The following ZNF347 variants were observed in gnomAD, a reference collection of about 807,000 sequenced individuals.
ZNF347 encodes zinc finger protein 347.
In ZNF347, 19 loss-of-function variants were observed where a neutral mutation model predicts 12.9. That is an observed-to-expected ratio of 1.47 (90% confidence interval 1.03 to 2.16). ZNF347 has a LOEUF of 2.16. ZNF347 is among the 30% of genes most tolerant of loss of function. The pLI, the probability that ZNF347 is intolerant of heterozygous loss-of-function variation, is 0.00. For missense variants in ZNF347, 1,005 were observed against 990.6 expected (o/e 1.01, Z -0.19); for synonymous variants, 328 against 340.6 (o/e 0.96, Z 0.41).
rs912394684 is a variant in ZNF347 at position 53,154,209 on chromosome 19, G to A, written c.-46-416C>T. Among the ~76,000 whole-genome samples the A allele has an allele frequency of 3.3e-5, 5 of 152,068 alleles. 1 individual carries two copies. The highest frequency in any genetic ancestry group is 4.1e-4 in the South Asian group (2 of 4,828). On this transcript the variant is annotated intron_variant, in intron 1 of 4. Transcript: ENST00000334197. ...CAGAAACAAAAGGTAGAGGCTGAAC[G>A]TGGTGGCTCACACTATAATCCTAGC...
chr19:53,146,009 C>T (rs756258636), intron 4 of ZNF347, among the ~76,000 whole-genome samples: 1 of 150,886 alleles, frequency 6.6e-6, no homozygotes, highest in Non-Finnish European at 1.5e-5. Flanking sequence ...GAGTTTTGCT[C>T]TTGTTGCCTG....
chr19:53,141,829 T>G lies in ZNF347; in HGVS notation c.999A>C (p.Ser333=). The change falls in exon 5 of 5, where the codon TCA becomes TCC. Residue 333 remains serine (S), a synonymous_variant. Transcript: ENST00000334197. ...CTCCAGTGTGAATTTTCTGATGTTG[T>G]GAGAGTTGTGAATTTCGACTAAAGA... The part of the protein sequence containing the change: ...GKVFSRNSQL[S]QHQKIHTGEK... 1 of 1,614,102 alleles carries G rather than the reference T, an allele frequency of 6.2e-7. No homozygotes were observed. The highest frequency in any genetic ancestry group is 1.1e-5 in the South Asian group (1 of 91,054).
At chr19:53,151,640 A>G (rs755458385) in intron 2 of ZNF347, among the ~76,000 whole-genome samples, 9 of 152,200 alleles carry the variant, frequency 5.9e-5, no homozygotes, top group Non-Finnish European at 1.0e-4. Flanking sequence ...ATGGAACTTC[A>G]TAAAAGGTAA....
At position 53,138,125 on chromosome 19, in the gene ZNF347, G is replaced by C. The variant is rs2090397107; in HGVS notation, c.*2183C>G. 6.7e-6 allele frequency: 1 copy of C among 149,436 alleles called. No individual in the cohort carries two copies. Among genetic ancestry groups the C allele is most frequent in the East Asian group, 2.0e-4 (1 of 5,036 alleles). The allele number at this position is 149,436 out of a possible 1,614,324, so 9.3% of individuals were successfully genotyped here. A position where few individuals can be genotyped will look rare whatever the true frequency, so the allele number is the denominator to read the frequency against. The stretch of plus-strand genomic sequence containing the variant: ...CCCAGCCAATATTTTTCATACAATT[G>C]TTTTTTTTGAGACAGGGTCTCGCTC... On this transcript the variant is annotated 3_prime_UTR_variant, in exon 5 of 5. Transcript: ENST00000334197.
At position 53,140,192 on chromosome 19, in the gene ZNF347, A is replaced by C. The variant is rs954839874; in HGVS notation, c.*116T>G. 268 of 1,082,270 alleles carry C rather than the reference A, an allele frequency of 2.5e-4. No homozygotes were observed. The highest frequency in any genetic ancestry group is 7.4e-5 in the Admixed American group (3 of 40,606). 67.0% of individuals were successfully genotyped at this position (1,082,270 alleles called of 1,614,324 possible). On this transcript the variant is annotated 3_prime_UTR_variant, in exon 5 of 5. Coordinates refer to ENST00000334197, the MANE Select transcript of ZNF347 (RefSeq NM_032584.3). ...TGGGATTACAGGCATGAGCCACTGCACCCAGCCAGTCATTGCATTTTCAAG... is the reference window on the plus strand; with the variant it reads ...TGGGATTACAGGCATGAGCCACTGCCCCCAGCCAGTCATTGCATTTTCAAG...
chr19:53,143,082 T>C (rs1322455914), intron 4 of ZNF347, among the ~76,000 whole-genome samples: 1 of 152,126 alleles, frequency 6.6e-6, no homozygotes, highest in East Asian at 1.9e-4. Flanking sequence ...GTACACAACA[T>C]AAATTGCGAC....
intron 4 of ZNF347, among the ~76,000 whole-genome samples, chr19:53,146,644 G>A (rs1599856173): frequency 6.6e-6 from 1 of 152,088 alleles, no homozygotes; most frequent in East Asian, 1.9e-4. Context: ...ATAAAAGGTG[G>A]GGGGAGGTAC....
At chr19:53,156,132 C>T (rs375205561) in intron 1 of ZNF347, among the ~76,000 whole-genome samples, 12 of 150,236 alleles carry the variant, frequency 8.0e-5, no homozygotes, top group East Asian at 5.9e-4. Context: ...GGCACAGTGG[C>T]TCATGCCTGT....
intron 4 of ZNF347, among the ~76,000 whole-genome samples, chr19:53,144,793 C>T (rs1176636893): frequency 2.6e-5 from 4 of 152,046 alleles, no homozygotes; most frequent in Non-Finnish European, 4.4e-5. Flanking sequence ...GTTCCATGCC[C>T]TAACAGACGT....
intron 1 of ZNF347, among the ~76,000 whole-genome samples, chr19:53,155,075 T>C (rs2090523332): frequency 6.6e-6 from 1 of 151,760 alleles, no homozygotes; most frequent in Non-Finnish European, 1.5e-5. Flanking sequence ...GTAGCTGGGA[T>C]CACAGGCGCG....
intron 2 of ZNF347, among the ~76,000 whole-genome samples, chr19:53,152,007 C>T (rs183869300): frequency 1.4e-5 from 2 of 143,138 alleles, no homozygotes; most frequent in African/African-American, 5.1e-5. Flanking sequence ...GCAGGAGAAT[C>T]GCTTGAACCC....
Position 53,140,246 on chromosome 19 carries a change from T to C in ZNF347, c.*62A>G. The C allele has an allele frequency of 1.4e-6, 2 of 1,433,956 alleles. No homozygotes were observed. Among genetic ancestry groups the C allele is most frequent in the Non-Finnish European group, 1.9e-6 (2 of 1,060,414 alleles). 88.8% of individuals were successfully genotyped at this position (1,433,956 alleles called of 1,614,324 possible). A position where few individuals can be genotyped will look rare whatever the true frequency, so the allele number is the denominator to read the frequency against. ...TCTCTCAGGCATAAATTCTCTGACGTTGTCAAAGGAATGAATTCTAACTGC... is the reference window on the plus strand; with the variant it reads ...TCTCTCAGGCATAAATTCTCTGACGCTGTCAAAGGAATGAATTCTAACTGC... On this transcript the variant is annotated 3_prime_UTR_variant, in exon 5 of 5. Coordinates refer to ENST00000334197, the MANE Select transcript of ZNF347 (RefSeq NM_032584.3).
intron 3 of ZNF347, chr19:53,149,032 A>C (rs2090480988): frequency 3.5e-6 from 4 of 1,147,250 alleles, no homozygotes; most frequent in Non-Finnish European, 4.8e-6. Context: ...GAAAACAGGG[A>C]ATTGGATATT....
chr19:53,154,056 G>T (rs1316324424), intron 1 of ZNF347, among the ~76,000 whole-genome samples: 4 of 152,050 alleles, frequency 2.6e-5, no homozygotes, highest in Non-Finnish European at 4.4e-5. Context: ...CCACACACAC[G>T]CTGCAGCAAT....
At chr19:53,153,902 C>T in intron 1 of ZNF347, 109 bp from the exon 2 acceptor site, 2 of 777,418 alleles carry the variant, frequency 2.6e-6, no homozygotes, top group Non-Finnish European at 4.3e-6. Flanking sequence ...CACACACACA[C>T]ACAGGGAAGA....
At chr19:53,146,261 C>T (rs1331975518) in intron 4 of ZNF347, among the ~76,000 whole-genome samples, 2 of 152,060 alleles carry the variant, frequency 1.3e-5, no homozygotes, top group Admixed American at 6.6e-5. Context: ...AGGTGTGAGC[C>T]ACCGTGCCCG....
intron 2 of ZNF347, among the ~76,000 whole-genome samples, chr19:53,150,548 T>C (rs2090490665): frequency 6.6e-6 from 1 of 152,190 alleles, no homozygotes. Context: ...AAGTGCTATA[T>C]ATTATGTCTA....
At position 53,151,327 on chromosome 19, in the gene ZNF347, A is replaced by C. The variant is rs140450544; in HGVS notation, c.16-1960T>G. 3.5e-3 allele frequency among the ~76,000 whole-genome samples: 526 copies of C among 151,980 alleles called. 3 individuals are homozygous for C. Among genetic ancestry groups the C allele is most frequent in the African/African-American group, 0.012 (485 of 41,508 alleles). On this transcript the variant is annotated intron_variant, in intron 2 of 4. Transcript: ENST00000334197. ...GAGGCAGGCAGATCACGAGGTCAGG[A>C]GATCAAGACCATCCTGGCTAACATG... is the stretch of plus-strand genomic sequence containing the variant.
At chr19:53,147,468 G>A (rs1156679830) in intron 4 of ZNF347, among the ~76,000 whole-genome samples, 2 of 152,014 alleles carry the variant, frequency 1.3e-5, no homozygotes, top group Admixed American at 6.6e-5. Flanking sequence ...TGTGGAGGGA[G>A]GGTCAGTTGA....
Sources: allele counts gnomAD v4.1 joint callset (sites outside exome capture counted in the v4.1 genomes callset), GRCh38; gene constraint gnomAD v4.1.1; transcripts MANE v1.5; gene names NCBI Gene and HGNC (gene_info 2026-07-23, HGNC 2026-07-21).